Variants in SORT1 observed in about 807,000 individuals in gnomAD.
The protein encoded by SORT1 is sortilin.
In SORT1, 39 loss-of-function variants were observed where a neutral mutation model predicts 101.7. The ratio of observed to expected loss-of-function variants is 0.38; its 90% CI spans 0.30 to 0.50. The LOEUF is 0.50. SORT1 is among the 20% of genes least tolerant of loss of function. The pLI is 0.90. For missense variants in SORT1, 878 were observed against 1,040.4 expected, an observed-to-expected ratio of 0.84 and a Z score of 2.15; for synonymous variants, 396 against 393.7, an observed-to-expected ratio of 1.01 and a Z score of -0.07.
chr1:109,370,616 G>A (rs1326000348), intron 1 of SORT1, among the ~76,000 whole-genome samples: 1 of 152,044 alleles, frequency 6.6e-6, no homozygotes, highest in East Asian at 1.9e-4. Context: ...TTCTTAGACA[G>A]TTTAATAGTT....
At chr1:109,314,508 T>C (rs754188463) in intron 18 of SORT1, 124 bp from the exon 19 acceptor site, 10 of 1,265,144 alleles carry the variant, frequency 7.9e-6, no homozygotes, top group Non-Finnish European at 1.1e-5. Flanking sequence ...GCACAGTCCA[T>C]GGTTGACATA....
intron 3 of SORT1, chr1:109,366,715 T>C (rs1348243682): frequency 6.6e-6 from 1 of 152,068 alleles, no homozygotes; most frequent in Non-Finnish European, 1.5e-5. Flanking sequence ...GATACCAGAC[T>C]GGGCAACATG....
chr1:109,336,471 C>T (rs905847468), intron 10 of SORT1, 125 bp from the exon 11 acceptor site: 14 of 658,794 alleles, frequency 2.1e-5, no homozygotes, highest in Admixed American at 1.5e-4. Flanking sequence ...CTTGTAACAC[C>T]TCACAAAACG....
intron 15 of SORT1, among the ~76,000 whole-genome samples, chr1:109,318,484 G>T (rs889622504): frequency 6.6e-6 from 1 of 152,202 alleles, no homozygotes; most frequent in South Asian, 2.1e-4. Flanking sequence ...AAGCTTATGG[G>T]TCAGGCCTGG....
chr1:109,367,694 C>G (rs533967042), intron 2 of SORT1, among the ~76,000 whole-genome samples: 1 of 152,268 alleles, frequency 6.6e-6, no homozygotes, highest in Admixed American at 6.5e-5. Context: ...TCCATTGAAG[C>G]AGTGAGGCTG....
chr1:109,364,446 C>T (rs1383031233), intron 3 of SORT1, among the ~76,000 whole-genome samples: 2 of 152,050 alleles, frequency 1.3e-5, no homozygotes, highest in African/African-American at 4.8e-5. Context: ...ATAAACATCC[C>T]CTATGACACA....
intron 1 of SORT1, among the ~76,000 whole-genome samples, chr1:109,392,126 G>GTTT (rs1652950840): frequency 6.6e-6 from 1 of 152,136 alleles, no homozygotes; most frequent in Admixed American, 6.5e-5. Flanking sequence ...TCAAAACATA[G>GTTT]TTCACTTTCT....
chr1:109,327,418 G>T, intron 12 of SORT1, 81 bp downstream of exon 12: 1 of 866,854 alleles, frequency 1.2e-6, no homozygotes, highest in South Asian at 1.7e-5. Context: ...TTTCTTCTCA[G>T]AGCGTTCAAA....
intron 15 of SORT1, among the ~76,000 whole-genome samples, chr1:109,321,332 G>T (rs1473300561): frequency 6.6e-6 from 1 of 152,144 alleles, no homozygotes; most frequent in South Asian, 2.1e-4. Context: ...GCCAGACTTG[G>T]GGGTGAAGCA....
At chr1:109,349,558 G>T (rs1649826078) in intron 6 of SORT1, among the ~76,000 whole-genome samples, 1 of 151,702 alleles carries the variant, frequency 6.6e-6, no homozygotes, top group African/African-American at 2.4e-5. Context: ...TTTAGCACAG[G>T]AGTTTGAGAC....
At position 109,314,740 on chromosome 1, in the gene SORT1, G is replaced by T; in HGVS notation, c.2289C>A (p.Ile763=). The T allele has an allele frequency of 6.2e-7, 1 of 1,610,810 alleles. No individual in the cohort carries two copies. The highest frequency in any genetic ancestry group is 8.5e-7 in the Non-Finnish European group (1 of 1,177,104). ...CGACTGTGACCAGCATCAATCCCACGATGGCCAGGATAATTGGAACAGAAT... is the reference window on the plus strand; with the variant it reads ...CGACTGTGACCAGCATCAATCCCACTATGGCCAGGATAATTGGAACAGAAT... ...KSNSVPIILA[I]VGLMLVTVVA... is the part of the protein sequence containing the mutation. The change falls in exon 18 of 20, where the codon ATC becomes ATA. Residue 763 remains isoleucine (I), a synonymous_variant. Coordinates refer to ENST00000256637, the MANE Select transcript of SORT1 (RefSeq NM_002959.7).
rs67985015 is a variant in SORT1 at position 109,340,660 on chromosome 1, G to A, written c.1264+64C>T. 3.2e-3 allele frequency: 4,991 copies of A among 1,551,666 alleles called. 137 individuals carry two copies. In the African/African-American group the frequency reaches 0.059, roughly 18 times the overall value. On this transcript the variant is annotated intron_variant, in intron 10 of 19. Coordinates refer to ENST00000256637, the MANE Select transcript of SORT1 (RefSeq NM_002959.7). ...AACATTACTAGGGGACAGGTTCCCCGAAGCCTCAAATCCTACCACATGCAG... is the reference window on the plus strand; with the variant it reads ...AACATTACTAGGGGACAGGTTCCCCAAAGCCTCAAATCCTACCACATGCAG...
intron 17 of SORT1, among the ~76,000 whole-genome samples, chr1:109,316,225 CT>C (rs150999726): frequency 3.5e-4 from 52 of 147,878 alleles, no homozygotes; most frequent in Middle Eastern, 6.9e-3. Context: ...CACAGACAAC[CT>C]TTTTTTTTTG....
Position 109,316,967 on chromosome 1 carries a change from C to G in SORT1, c.2142-9G>C. On this transcript the variant is annotated splice_polypyrimidine_tract_variant and intron_variant, in intron 16 of 19. Transcript: ENST00000256637. The stretch of plus-strand genomic sequence containing the variant: ...CTGGAATTTTCCGGTACCTACCAGG[C>G]AAAGAAGATTTGGTAACAGAAGATA... The G allele has an allele frequency of 6.5e-7, 1 of 1,548,760 alleles. No individual in the cohort carries two copies. The highest frequency in any genetic ancestry group is 1.4e-5 in the African/African-American group (1 of 72,966).
intron 19 of SORT1, 40 bp from the exon 20 acceptor site, chr1:109,314,097 A>G: frequency 1.2e-6 from 2 of 1,612,800 alleles, no homozygotes; most frequent in Non-Finnish European, 1.7e-6. Context: ...AGACCACAAC[A>G]CTCCTATTTC....
chr1:109,375,534 T>A (rs1411441119), intron 1 of SORT1, among the ~76,000 whole-genome samples: 3 of 3,440 alleles, frequency 8.7e-4, no homozygotes, highest in Non-Finnish European at 8.4e-4. Flanking sequence ...ACAGTGAGAC[T>A]CCGTTTCAAA....
chr1:109,345,606 C>CA lies in SORT1; in HGVS notation c.963+144dup. On this transcript the variant is annotated intron_variant, in intron 8 of 19. Transcript: ENST00000256637. ...TAGCCTATCAGTCAATCAGCCTTTG[C>CA]AAAAAGAATCACCCCTAACACTCAC... is the stretch of plus-strand genomic sequence containing the variant. 4.4e-6 allele frequency: 3 copies of CA among 682,764 alleles called. No individual in the cohort carries two copies. In the South Asian group the frequency reaches 8.4e-5, roughly 19 times the overall value. The allele number at this position is 682,764 out of a possible 1,614,324, so 42.3% of individuals were successfully genotyped here. A position where few individuals can be genotyped will look rare whatever the true frequency, so the allele number is the denominator to read the frequency against.
In SORT1 at chr1:109,334,321, T is replaced by C. The variant is rs539500438; in HGVS notation, c.1371+1919A>G. On this transcript the variant is annotated intron_variant, in intron 11 of 19. Transcript: ENST00000256637. ...ATCAACCTAAGCGTCTACAGATGGATGAATGGACAAAGAAAATGGAATATT... is the reference window on the plus strand; with the variant it reads ...ATCAACCTAAGCGTCTACAGATGGACGAATGGACAAAGAAAATGGAATATT... 2.6e-5 allele frequency among the ~76,000 whole-genome samples: 4 copies of C among 152,132 alleles called. No homozygotes were observed. The East Asian group carries it at 7.7e-4, about 29-fold the overall frequency.
At chr1:109,387,975 G>C (rs920319580) in intron 1 of SORT1, among the ~76,000 whole-genome samples, 3 of 152,046 alleles carry the variant, frequency 2.0e-5, no homozygotes, top group African/African-American at 7.2e-5. Flanking sequence ...AGAAAGAAAG[G>C]CATTTTGAAT....
Sources: allele counts gnomAD v4.1 joint callset (sites outside exome capture counted in the v4.1 genomes callset), GRCh38; gene constraint gnomAD v4.1.1; transcripts MANE v1.5; gene names NCBI Gene and HGNC (gene_info 2026-07-23, HGNC 2026-07-21).